Variants in GNAI2 observed in about 807,000 individuals in gnomAD.
The protein encoded by GNAI2 is G protein subunit alpha i2.
A neutral mutation model predicts 36.8 loss-of-function variants in GNAI2; 4 were observed. That is an observed-to-expected ratio of 0.11 (90% CI 0.05 to 0.25). The LOEUF (loss-of-function observed/expected upper bound fraction) is 0.25. Ranked by LOEUF, GNAI2 falls within the 10% of genes least tolerant of loss-of-function variation. The pLI, the probability that GNAI2 is intolerant of heterozygous loss-of-function variation, is 1.00. For synonymous variants in GNAI2, 194 were observed against 194.1 expected (o/e 1.00, Z 0.01); for missense variants, 230 against 481.3 (o/e 0.48, Z 4.89).
At chr3:50,250,669 C>T (rs1700532502) in intron 1 of GNAI2, among the ~76,000 whole-genome samples, 1 of 152,204 alleles carries the variant, frequency 6.6e-6, no homozygotes, top group East Asian at 1.9e-4. Flanking sequence ...GAGGCCCTGC[C>T]TCCACTCCCT....
At chr3:50,229,735 G>T (rs1700041506), upstream of GNAI2, 1 of 152,340 alleles carries the variant, frequency 6.6e-6, no homozygotes, top group South Asian at 2.1e-4. Context: ...ATGATTCAAA[G>T]ATCCCCTCCT....
In GNAI2 at chr3:50,255,045, A is replaced by G. The variant is rs1345025635; in HGVS notation, c.465-1147A>G. On this transcript the variant is annotated intron_variant, in intron 4 of 8. Transcript: ENST00000313601. This position sits in a 1 kb window ranked among gnomAD's most constrained non-coding sequence, Gnocchi z 4.0. ...GGACTCTGGCAGTAGGGGGCGGGGC[A>G]TGGTATGCGGGTCACAGCACATGCG... Among the ~76,000 whole-genome samples the G allele has an allele frequency of 6.6e-6, 1 of 152,152 alleles. No homozygotes were observed. Among genetic ancestry groups the G allele is most frequent in the Non-Finnish European group, 1.5e-5 (1 of 68,012 alleles).
upstream of GNAI2, among the ~76,000 whole-genome samples, chr3:50,232,058 C>T (rs782701833): frequency 2.7e-5 from 4 of 150,628 alleles, no homozygotes; most frequent in South Asian, 6.3e-4. Context: ...GGGCCGTGCA[C>T]GGTGGCTCAC....
At position 50,238,808 on chromosome 3, in the gene GNAI2, A is replaced by G. The variant is rs1700241568; in HGVS notation, c.118+2355A>G. On this transcript the variant is annotated intron_variant, in intron 1 of 8. Coordinates refer to ENST00000313601, the MANE Select transcript of GNAI2 (RefSeq NM_002070.4). This position sits in a 1 kb window ranked among gnomAD's most constrained non-coding sequence, Gnocchi z 5.0. The stretch of plus-strand genomic sequence containing the variant: ...GGGAGCCCAGCTGTGGTAAGTTCAG[A>G]GTTCTGGGCGCCTGTCCCATGTAGC... Among the ~76,000 whole-genome samples, 2 of 152,222 alleles carry G rather than the reference A, an allele frequency of 1.3e-5. No individual in the cohort carries two copies. Among genetic ancestry groups the G allele is most frequent in the South Asian group, 4.1e-4 (2 of 4,836 alleles).
At chr3:50,237,467 C>A (rs1553700506) in intron 1 of GNAI2, among the ~76,000 whole-genome samples, 1 of 152,170 alleles carries the variant, frequency 6.6e-6, no homozygotes, top group South Asian at 2.1e-4. Context: ...GCTGCCCCTG[C>A]GGGTGAGCCC....
upstream of GNAI2, among the ~76,000 whole-genome samples, chr3:50,231,587 G>A (rs1414976833): frequency 6.6e-6 from 1 of 152,130 alleles, no homozygotes; most frequent in Admixed American, 6.6e-5. Context: ...ATTCATTTAA[G>A]TTGATACATA....
rs587652242 is a variant in GNAI2, at chr3:50,242,447, A to G, written c.118+5994A>G. ...ACACCCTGCCTAAGAGTGCTCTGCA[A>G]GGTGCTTTGGGGAAGGCAAAGGATT... On this transcript the variant is annotated intron_variant, in intron 1 of 8. Transcript: ENST00000313601. This position sits in a 1 kb window ranked among gnomAD's most constrained non-coding sequence, Gnocchi z 4.8. 1.3e-5 allele frequency among the ~76,000 whole-genome samples: 2 copies of G among 152,282 alleles called. No individual in the cohort carries two copies. The highest frequency in any genetic ancestry group is 2.4e-5 in the African/African-American group (1 of 41,544).
chr3:50,227,297 T>C (rs1441706292), upstream of GNAI2: 1 of 555,240 alleles, frequency 1.8e-6, no homozygotes. This position sits in a 1 kb window ranked among gnomAD's most constrained non-coding sequence, Gnocchi z 5.9. Flanking sequence ...AGAGGACGCG[T>C]GACGGCTGCA....
At chr3:50,237,243 C>T (rs1700195258) in intron 1 of GNAI2, among the ~76,000 whole-genome samples, 1 of 152,226 alleles carries the variant, frequency 6.6e-6, no homozygotes, top group South Asian at 2.1e-4. Context: ...AGAACCCCCA[C>T]GGGGCTGGAT....
chr3:50,252,606 C>T lies in GNAI2; in HGVS notation c.303+68C>T, dbSNP rs1700588172. Reference sequence around the variant, plus strand: ...TTCGGGGTGGCTGGTTGTGGTGGCTCATGCCTATAAATCCCAGCACTTTGG... The same window carrying T: ...TTCGGGGTGGCTGGTTGTGGTGGCTTATGCCTATAAATCCCAGCACTTTGG... On this transcript the variant is annotated intron_variant, in intron 3 of 8. Coordinates refer to ENST00000313601, the MANE Select transcript of GNAI2 (RefSeq NM_002070.4). The surrounding 1 kb of genome is among the most constrained non-coding windows in gnomAD (Gnocchi z 4.1). 3.0e-6 allele frequency: 4 copies of T among 1,344,722 alleles called. No homozygotes were observed. Among genetic ancestry groups the T allele is most frequent in the Non-Finnish European group, 4.2e-6 (4 of 959,130 alleles). The allele number at this position is 1,344,722 out of a possible 1,614,324, so 83.3% of individuals were successfully genotyped here.
At position 50,238,595 on chromosome 3, in the gene GNAI2, G is replaced by A. The variant is rs1345103154; in HGVS notation, c.118+2142G>A. On this transcript the variant is annotated intron_variant, in intron 1 of 8. Coordinates refer to ENST00000313601, the MANE Select transcript of GNAI2 (RefSeq NM_002070.4). The surrounding 1 kb of genome is among the most constrained non-coding windows in gnomAD (Gnocchi z 5.0). ...CAAAGGAGTGCCCCAGGTCAGGATG[G>A]GGAGGGAGAACAAGAGCCTCCTGGT... Among the ~76,000 whole-genome samples, 1 of 152,232 alleles carries A rather than the reference G, an allele frequency of 6.6e-6. No homozygotes were observed. The highest frequency in any genetic ancestry group is 1.5e-5 in the Non-Finnish European group (1 of 68,030).
At position 50,252,019 on chromosome 3, in the gene GNAI2, C is replaced by T; in HGVS notation, c.119-81C>T. The T allele has an allele frequency of 7.3e-7, 1 of 1,374,448 alleles. No individual in the cohort carries two copies. Among genetic ancestry groups the T allele is most frequent in the Non-Finnish European group, 1.0e-6 (1 of 970,694 alleles). The allele number at this position is 1,374,448 out of a possible 1,614,324, so 85.1% of individuals were successfully genotyped here. A position where few individuals can be genotyped will look rare whatever the true frequency, so the allele number is the denominator to read the frequency against. On this transcript the variant is annotated intron_variant, in intron 1 of 8. Transcript: ENST00000313601. This position sits in a 1 kb window ranked among gnomAD's most constrained non-coding sequence, Gnocchi z 4.1. ...GGGAAGGTTAGTTCTGCCTCCTGGG[C>T]TACAGGTGTCTGGGCATTTGTTCTG...
In GNAI2 at chr3:50,257,051, A is replaced by G. The variant is rs1553703329; in HGVS notation, c.838A>G (p.Thr280Ala). ...GAAGGACCTGTTTGAGGAGAAGATC[A>G]CACACAGTCCCCTGACCATCTGCTT... ...NKKDLFEEKI[T>A]HSPLTICFPE... is the part of the protein sequence containing the mutation. Residue 280 changes from threonine to alanine, a missense_variant, in exon 7 of 9, where the codon ACA (threonine) becomes GCA (alanine). By Grantham distance (58) the Thr-to-Ala change is moderately conservative. Coordinates refer to ENST00000313601, the MANE Select transcript of GNAI2 (RefSeq NM_002070.4). 6.2e-7 allele frequency: 1 copy of G among 1,613,910 alleles called. No homozygotes were observed. The highest frequency in any genetic ancestry group is 8.5e-7 in the Non-Finnish European group (1 of 1,179,896).
At chr3:50,256,020 T>C (rs1385456900) in intron 4 of GNAI2, among the ~76,000 whole-genome samples, 172 bp from the exon 5 acceptor site, 1 of 118,392 alleles carries the variant, frequency 8.4e-6, no homozygotes, top group Non-Finnish European at 1.6e-5. Flanking sequence ...CACTCCAGCC[T>C]GGCAACAGAG....
intron 1 of GNAI2, chr3:50,251,793 C>T (rs782686084): frequency 2.1e-5 from 28 of 1,307,920 alleles, no homozygotes; most frequent in Middle Eastern, 4.3e-4. Context: ...CATGGCTGGC[C>T]AAGTCTCCAG....
In GNAI2 at chr3:50,256,261, C is replaced by T; in HGVS notation, c.534C>T (p.Thr178=). ...YIPTQQDVLR[T]RVKTTGIVET... ...CCACACAGCAAGATGTGCTACGGAC[C>T]CGCGTAAAGACCACGGGGATCGTGG... is the stretch of plus-strand genomic sequence containing the variant. The change falls in exon 5 of 9, where the codon ACC becomes ACT. Residue 178 remains threonine (T), a synonymous_variant. Coordinates refer to ENST00000313601, the MANE Select transcript of GNAI2 (RefSeq NM_002070.4). 2 of 1,612,210 alleles carry T rather than the reference C, an allele frequency of 1.2e-6. No homozygotes were observed. Among genetic ancestry groups the T allele is most frequent in the South Asian group, 1.1e-5 (1 of 91,024 alleles).
chr3:50,236,227 A>G lies in GNAI2; in HGVS notation c.-109A>G, dbSNP rs1321408223. The G allele has an allele frequency of 1.7e-6, 2 of 1,190,334 alleles. No individual in the cohort carries two copies. Among genetic ancestry groups the G allele is most frequent in the Non-Finnish European group, 2.1e-6 (2 of 961,730 alleles). 73.7% of individuals were successfully genotyped at this position (1,190,334 alleles called of 1,614,324 possible). On this transcript the variant is annotated 5_prime_UTR_variant, in exon 1 of 9. Coordinates refer to ENST00000313601, the MANE Select transcript of GNAI2 (RefSeq NM_002070.4). The surrounding 1 kb of genome is among the most constrained non-coding windows in gnomAD (Gnocchi z 4.0). Reference sequence around the variant, plus strand: ...GCAGTCGCTCGGAACTGCCGACCCGAGTGCTTCCCGCAGAGGGCTGGTGGT... The same window carrying G: ...GCAGTCGCTCGGAACTGCCGACCCGGGTGCTTCCCGCAGAGGGCTGGTGGT...
chr3:50,235,599 C>T (rs1700144696), upstream of GNAI2, among the ~76,000 whole-genome samples: 1 of 152,144 alleles, frequency 6.6e-6, no homozygotes, highest in South Asian at 2.1e-4. Flanking sequence ...GGATTACTGG[C>T]GTGAGCCACT....
At chr3:50,228,402 A>G (rs1242011198), upstream of GNAI2, among the ~76,000 whole-genome samples, 1 of 152,016 alleles carries the variant, frequency 6.6e-6, no homozygotes, top group African/African-American at 2.4e-5. Flanking sequence ...AAATACAAAA[A>G]AATTAGCTGG....
Sources: allele counts gnomAD v4.1 joint callset (sites outside exome capture counted in the v4.1 genomes callset), GRCh38; gene constraint gnomAD v4.1.1; non-coding constraint Gnocchi (gnomAD v3.1); transcripts MANE v1.5; gene names NCBI Gene and HGNC (gene_info 2026-07-23, HGNC 2026-07-21).